GLRX5: variants seen among roughly 807,000 people sequenced by gnomAD.
GLRX5 encodes the protein glutaredoxin 5, also known as glutaredoxin-related protein 5, mitochondrial.
A neutral mutation model predicts 13.8 loss-of-function variants in GLRX5; 10 were observed. The observed-to-expected ratio is 0.72, with a 90% CI of 0.45 to 1.23. The LOEUF (loss-of-function observed/expected upper bound fraction) is 1.23, where lower values mean the gene tolerates loss of function less well. GLRX5 is among the 50% of genes most tolerant of loss of function. The probability of loss-of-function intolerance (pLI) is 0.00; values close to 1 mark genes in which losing one functional copy is unlikely to be tolerated. For synonymous variants in GLRX5, 98 were observed against 101.1 expected (o/e 0.97, Z 0.18); for missense variants, 233 against 215.2 (o/e 1.08, Z -0.52).
Position 95,543,962 on chromosome 14 carries a change from C to A in GLRX5, c.311C>A (p.Ser104Tyr). 6.2e-7 allele frequency: 1 copy of A among 1,613,662 alleles called. No individual in the cohort carries two copies. The highest frequency in any genetic ancestry group is 8.5e-7 in the Non-Finnish European group (1 of 1,179,546). Residue 104 changes from serine (S) to tyrosine (Y), a missense_variant, in exon 2 of 2, where the codon TCC becomes TAC. Coordinates refer to ENST00000331334, the MANE Select transcript of GLRX5 (RefSeq NM_016417.3). Reference protein sequence around the residue: ...PELRQGIKDYSNWPTIPQVYL... With the variant: ...PELRQGIKDYYNWPTIPQVYL... ...TTCTCCATAGGCATTAAAGACTATT[C>A]CAACTGGCCCACCATCCCGCAAGTG...
intron 1 of GLRX5, among the ~76,000 whole-genome samples, chr14:95,541,575 G>A (rs2139650629): frequency 6.6e-6 from 1 of 152,346 alleles, no homozygotes; most frequent in Non-Finnish European, 1.5e-5. Context: ...AGTATCACTT[G>A]CATGTGGCTG....
chr14:95,535,269 G>A lies in GLRX5; in HGVS notation c.180G>A (p.Gly60=), dbSNP rs558960545. 2.2e-5 allele frequency: 34 copies of A among 1,571,518 alleles called. No homozygotes were observed. Among genetic ancestry groups the A allele is most frequent in the Non-Finnish European group, 2.7e-5 (31 of 1,160,148 alleles). ...ACAAGGTGGTGGTCTTCCTCAAGGG[G>A]ACGCCGGAGCAGCCCCAGTGCGGCT... ...KKDKVVVFLK[G]TPEQPQCGFS... Residue 60 remains glycine, a synonymous_variant, in exon 1 of 2, where the codon GGG becomes GGA. Coordinates refer to ENST00000331334, the MANE Select transcript of GLRX5 (RefSeq NM_016417.3).
chr14:95,544,322 C>T lies in GLRX5; in HGVS notation c.*197C>T. ...TATTTTATTGTGGACTTAATTACAA[C>T]CACTGCACTGTAATGATTCAATGCT... On this transcript the variant is annotated 3_prime_UTR_variant, in exon 2 of 2. Transcript: ENST00000331334. The T allele has an allele frequency of 1.6e-6, 1 of 619,046 alleles. No homozygotes were observed. 38.3% of individuals were successfully genotyped at this position (619,046 alleles called of 1,614,324 possible).
chr14:95,538,012 A>G (rs1379468319), intron 1 of GLRX5, among the ~76,000 whole-genome samples: 5 of 152,272 alleles, frequency 3.3e-5, no homozygotes, highest in Non-Finnish European at 7.3e-5. Context: ...GAAGCAATGT[A>G]GAAAACACTG....
rs781174539 is a variant in GLRX5 at position 95,543,999 on chromosome 14, C to T, written c.348C>T (p.Gly116=). ...WPTIPQVYLN[G]EFVGGCDILL... ...CCATCCCGCAAGTGTACCTCAATGGCGAGTTTGTAGGGGGCTGTGACATTC... is the reference window on the plus strand; with the variant it reads ...CCATCCCGCAAGTGTACCTCAATGGTGAGTTTGTAGGGGGCTGTGACATTC... The change falls in exon 2 of 2, where the codon GGC becomes GGT. Residue 116 remains glycine, a synonymous_variant. Coordinates refer to ENST00000331334, the MANE Select transcript of GLRX5 (RefSeq NM_016417.3). 5.5e-5 allele frequency: 88 copies of T among 1,613,732 alleles called. No individual in the cohort carries two copies. The highest frequency in any genetic ancestry group is 3.0e-4 in the Admixed American group (18 of 60,002).
chr14:95,539,199 C>G (rs1891431795), intron 1 of GLRX5, among the ~76,000 whole-genome samples: 1 of 152,234 alleles, frequency 6.6e-6, no homozygotes, highest in Non-Finnish European at 1.5e-5. Flanking sequence ...CCCCACCCTT[C>G]CCTGGTCCGT....
intron 1 of GLRX5, among the ~76,000 whole-genome samples, chr14:95,542,745 T>G (rs924761943): frequency 3.9e-5 from 6 of 152,248 alleles, no homozygotes; most frequent in Admixed American, 2.0e-4. Context: ...TCTATCTATG[T>G]AAATATAAAA....
intron 1 of GLRX5, among the ~76,000 whole-genome samples, chr14:95,537,234 A>C (rs976746786): frequency 2.0e-5 from 3 of 152,198 alleles, no homozygotes; most frequent in Admixed American, 6.5e-5. Context: ...TAGTAAACGG[A>C]AAATAGGAGC....
chr14:95,535,265 A>T lies in GLRX5; in HGVS notation c.176A>T (p.Lys59Met). 6.4e-7 allele frequency: 1 copy of T among 1,571,772 alleles called. No homozygotes were observed. Among genetic ancestry groups the T allele is most frequent in the Non-Finnish European group, 8.6e-7 (1 of 1,160,348 alleles). ...VKKDKVVVFL[K>M]GTPEQPQCGF... ...AAGGACAAGGTGGTGGTCTTCCTCA[A>T]GGGGACGCCGGAGCAGCCCCAGTGC... is the stretch of plus-strand genomic sequence containing the variant. Residue 59 changes from lysine (K) to methionine (M), a missense_variant, in exon 1 of 2, where the codon AAG (lysine) becomes ATG (methionine). Transcript: ENST00000331334.
At chr14:95,540,199 G>A (rs561377008) in intron 1 of GLRX5, among the ~76,000 whole-genome samples, 15 of 152,202 alleles carry the variant, frequency 9.9e-5, no homozygotes, top group Admixed American at 2.6e-4. Flanking sequence ...CCTGAATGGC[G>A]TTTTCATTAC....
At chr14:95,543,438 G>A (rs1891506481) in intron 1 of GLRX5, 1 of 314,028 alleles carries the variant, frequency 3.2e-6, no homozygotes. Context: ...GTGCACAGGT[G>A]GGATTGCCCG....
intron 1 of GLRX5, among the ~76,000 whole-genome samples, chr14:95,539,031 G>C (rs1595282431): frequency 6.6e-6 from 1 of 152,346 alleles, no homozygotes; most frequent in Middle Eastern, 3.4e-3. Context: ...TACCGCCTGA[G>C]CTCCGCCTCC....
At chr14:95,537,335 C>A (rs148282736) in intron 1 of GLRX5, among the ~76,000 whole-genome samples, 106 of 152,336 alleles carry the variant, frequency 7.0e-4, no homozygotes, top group African/African-American at 2.1e-3. Flanking sequence ...CTTAAGTTTT[C>A]AAACAGCAGC....
In GLRX5 at chr14:95,544,006, G is replaced by GT; in HGVS notation, c.356dup (p.Gly120ArgfsTer4). On this transcript the variant is annotated frameshift_variant, in exon 2 of 2. Coordinates refer to ENST00000331334, the MANE Select transcript of GLRX5 (RefSeq NM_016417.3). LOFTEE classifies it high-confidence loss of function. ...GCAAGTGTACCTCAATGGCGAGTTTGTAGGGGGCTGTGACATTCTTCTGCA... is the reference window on the plus strand; with the variant it reads ...GCAAGTGTACCTCAATGGCGAGTTTGTTAGGGGGCTGTGACATTCTTCTGCA... The GT allele has an allele frequency of 1.2e-6, 2 of 1,614,138 alleles. No individual in the cohort carries two copies. Among genetic ancestry groups the GT allele is most frequent in the Non-Finnish European group, 1.7e-6 (2 of 1,179,950 alleles).
chr14:95,543,792 C>A (rs1891512490), intron 1 of GLRX5, 155 bp from the exon 2 acceptor site: 1 of 682,434 alleles, frequency 1.5e-6, no homozygotes, highest in Non-Finnish European at 2.7e-6. Flanking sequence ...CACAAAAACT[C>A]ATGCTCTTAG....
intron 1 of GLRX5, among the ~76,000 whole-genome samples, chr14:95,535,629 G>A (rs1213352869): frequency 2.0e-5 from 3 of 152,234 alleles, no homozygotes; most frequent in South Asian, 2.1e-4. Flanking sequence ...TGAGCAGTAG[G>A]TAAAGTCCTA....
Position 95,535,330 on chromosome 14 carries a change from G to C in GLRX5, c.241G>C (p.Gly81Arg). The change falls in exon 1 of 2, where the codon GGC (glycine) becomes CGC (arginine). Residue 81 changes from glycine (G) to arginine (R), a missense_variant. Gly to Arg is a moderately radical substitution (Grantham distance 125, BLOSUM62 -2). Transcript: ENST00000331334. ...CGTGGTGCAGATCCTGCGGCTGCAC[G>C]GCGTCCGCGATTACGCGGCCTACAA... ...NAVVQILRLH[G>R]VRDYAAYNVL... is the part of the protein sequence containing the mutation. 2 of 1,554,500 alleles carry C rather than the reference G, an allele frequency of 1.3e-6. No individual in the cohort carries two copies. Among genetic ancestry groups the C allele is most frequent in the Non-Finnish European group, 1.7e-6 (2 of 1,149,308 alleles).
At chr14:95,543,690 A>T in intron 1 of GLRX5, 2 of 484,290 alleles carry the variant, frequency 4.1e-6, no homozygotes, top group Non-Finnish European at 7.4e-6. Context: ...TTGGGAGATG[A>T]GGGTGGAAAC....
At chr14:95,543,522 C>G (rs1891507503) in intron 1 of GLRX5, 1 of 313,148 alleles carries the variant, frequency 3.2e-6, no homozygotes, top group South Asian at 2.8e-5. Context: ...AGTTTTGTTT[C>G]GCTTGAAGCT....
Sources: gnomAD v4.1 joint callset for allele counts (sites outside exome capture counted in the v4.1 genomes callset) on GRCh38, gnomAD v4.1.1 for gene constraint, MANE v1.5 for transcripts, NCBI Gene and HGNC (gene_info 2026-07-23, HGNC 2026-07-21) for gene names.